Variants in WDR35 observed in about 807,000 individuals in gnomAD.
WDR35 encodes the protein WD repeat domain 35.
WDR35 carries 118 observed loss-of-function variants against 158.3 expected under a neutral mutation model. That is an observed-to-expected ratio of 0.75 (90% CI 0.64 to 0.87). The LOEUF is 0.87. Among genes scored for constraint, WDR35 ranks in the 40% least tolerant of loss-of-function variants. The pLI, the probability that WDR35 is intolerant of heterozygous loss-of-function variation, is 0.00. For synonymous variants in WDR35, 448 were observed against 476.1 expected (o/e 0.94, Z 0.77); for missense variants, 1,263 against 1,405.8 (o/e 0.90, Z 1.62).
chr2:19,952,890 G>A (rs1000922250), intron 12 of WDR35, among the ~76,000 whole-genome samples: 3 of 143,168 alleles, frequency 2.1e-5, no homozygotes, highest in Non-Finnish European at 4.5e-5. Context: ...CCGGGTTCAC[G>A]CCATTCTCCT....
At chr2:19,956,910 C>T (rs964347361) in intron 11 of WDR35, among the ~76,000 whole-genome samples, 7 of 152,282 alleles carry the variant, frequency 4.6e-5, no homozygotes, top group South Asian at 2.1e-4. Context: ...TGAGCCACCG[C>T]GCCCGGCCAA....
At chr2:19,914,968 G>A (rs1399975276) in intron 25 of WDR35, among the ~76,000 whole-genome samples, 3 of 152,074 alleles carry the variant, frequency 2.0e-5, no homozygotes, top group South Asian at 2.1e-4. Context: ...GATAGCATTA[G>A]GAGAAATACC....
chr2:19,918,584 C>T (rs1464848439), intron 25 of WDR35, among the ~76,000 whole-genome samples: 2 of 152,062 alleles, frequency 1.3e-5, no homozygotes, highest in Non-Finnish European at 2.9e-5. Context: ...GAAAAAAAAG[C>T]AGGGGTTGCA....
intron 3 of WDR35, 86 bp from the exon 4 acceptor site, chr2:19,980,869 A>T: frequency 8.4e-7 from 1 of 1,190,668 alleles, no homozygotes; most frequent in Non-Finnish European, 1.2e-6. Context: ...AGATCATGTT[A>T]AAATCAATAT....
rs1468639564 is a variant in WDR35, at chr2:19,973,633, G to A, written c.812C>T (p.Ala271Val). ...WNHMGSVLAVAGFQKAAMQDK... is the reference protein window; with the variant it reads ...WNHMGSVLAVVGFQKAAMQDK... Reference sequence around the variant, plus strand: ...CTGCATGGCTGCCTTCTGGAAGCCTGCCACAGCTAACACGCTGCCCATGTG... The same window carrying A: ...CTGCATGGCTGCCTTCTGGAAGCCTACCACAGCTAACACGCTGCCCATGTG... The change falls in exon 8 of 27, where the codon GCA becomes GTA. Residue 271 changes from alanine (A) to valine (V), a missense_variant. By Grantham distance (64) the Ala-to-Val change is moderately conservative (BLOSUM62 0). Coordinates refer to ENST00000281405, the MANE Select transcript of WDR35 (RefSeq NM_020779.4). 1 of 1,614,086 alleles carries A rather than the reference G, an allele frequency of 6.2e-7. No homozygotes were observed. Among genetic ancestry groups the A allele is most frequent in the African/African-American group, 1.3e-5 (1 of 74,942 alleles).
At position 19,931,297 on chromosome 2, in the gene WDR35, C is replaced by T. The variant is rs138076014; in HGVS notation, c.2936G>A (p.Arg979Gln). 7.2e-5 allele frequency: 116 copies of T among 1,612,500 alleles called. No individual in the cohort carries two copies. The African/African-American group carries it at 1.4e-3, about 19-fold the overall frequency. The change falls in exon 24 of 27, where the codon CGA becomes CAA. Residue 979 changes from arginine to glutamine, a missense_variant. Arg to Gln is a conservative substitution (Grantham distance 43). Coordinates refer to ENST00000281405, the MANE Select transcript of WDR35 (RefSeq NM_020779.4). ...QYHEQMKNAQ[R>Q]GKVKGKSSEA... ...TGAACTTTTTCCTTTAACTTTTCCT[C>T]GCTGGGCATTCTTCATCTGTTCATG...
intron 25 of WDR35, among the ~76,000 whole-genome samples, chr2:19,928,993 A>C (rs375462004): frequency 4.6e-5 from 7 of 151,906 alleles, no homozygotes; most frequent in Admixed American, 4.6e-4. Context: ...ATTTTTAGTA[A>C]AGACAGGGTT....
rs1351458404 is a variant in WDR35 at position 19,910,985 on chromosome 2, G to A, written c.*2573C>T. On this transcript the variant is annotated 3_prime_UTR_variant, in exon 27 of 27. Coordinates refer to ENST00000281405, the MANE Select transcript of WDR35 (RefSeq NM_020779.4). The stretch of plus-strand genomic sequence containing the variant: ...AAATTAGGTCCACAAGGTATGAGAG[G>A]TTGTTTTTAGAGATACTGGTTTCTG... 6.6e-6 allele frequency: 1 copy of A among 152,032 alleles called. No individual in the cohort carries two copies. The highest frequency in any genetic ancestry group is 1.5e-5 in the Non-Finnish European group (1 of 68,022). The allele number at this position is 152,032 out of a possible 1,614,324, so 9.4% of individuals were successfully genotyped here.
chr2:19,934,279 A>G lies in WDR35; in HGVS notation c.2548-768T>C, dbSNP rs184667313. On this transcript the variant is annotated intron_variant, in intron 21 of 26. Coordinates refer to ENST00000281405, the MANE Select transcript of WDR35 (RefSeq NM_020779.4). This position sits in a 1 kb window ranked among gnomAD's most constrained non-coding sequence, Gnocchi z 4.6. ...AGGGAATACATTCTATCTGTAAAAA[A>G]AATTACAAAACATGAAAAAGTGAAA... Among the ~76,000 whole-genome samples the G allele has an allele frequency of 2.0e-5, 3 of 152,320 alleles. No individual in the cohort carries two copies. Among genetic ancestry groups the G allele is most frequent in the Admixed American group, 2.0e-4 (3 of 15,294 alleles).
At chr2:19,927,680 A>G (rs562971940) in intron 25 of WDR35, among the ~76,000 whole-genome samples, 19 of 152,386 alleles carry the variant, frequency 1.2e-4, no homozygotes, top group Admixed American at 1.1e-3. Flanking sequence ...AAAAGCGTCT[A>G]GAAGGACACT....
chr2:19,988,125 G>T (rs115387787), intron 2 of WDR35, among the ~76,000 whole-genome samples: 1 of 152,014 alleles, frequency 6.6e-6, no homozygotes, highest in Non-Finnish European at 1.5e-5. Flanking sequence ...TCCTTGTTCC[G>T]CCACTTACTG....
At chr2:19,913,962 C>A (rs1191902761) in intron 26 of WDR35, 75 bp downstream of exon 26, 4 of 1,597,224 alleles carry the variant, frequency 2.5e-6, no homozygotes, top group Non-Finnish European at 8.5e-7. Flanking sequence ...TTAATTCCTA[C>A]ATTAAACATT....
chr2:19,977,588 C>T (rs999708573), intron 5 of WDR35, among the ~76,000 whole-genome samples: 4 of 152,308 alleles, frequency 2.6e-5, no homozygotes, highest in African/African-American at 9.6e-5. Context: ...CCTGATACAG[C>T]TGCCCATTAT....
intron 10 of WDR35, among the ~76,000 whole-genome samples, 160 bp from the exon 11 acceptor site, chr2:19,960,774 T>C (rs1671624636): frequency 6.6e-6 from 1 of 152,172 alleles, no homozygotes; most frequent in South Asian, 2.1e-4. Flanking sequence ...AAAAGAAAGA[T>C]GATTTACAGC....
In WDR35 at chr2:19,912,581, G is replaced by A. The variant is rs904226659; in HGVS notation, c.*977C>T. ...TCTCTATGTATTGCCTCTACTATAT[G>A]TAAGCCAAACCTCAATAAAATAATC... On this transcript the variant is annotated 3_prime_UTR_variant, in exon 27 of 27. Coordinates refer to ENST00000281405, the MANE Select transcript of WDR35 (RefSeq NM_020779.4). The A allele has an allele frequency of 1.3e-5, 2 of 152,166 alleles. No individual in the cohort carries two copies. Among genetic ancestry groups the A allele is most frequent in the African/African-American group, 4.8e-5 (2 of 41,430 alleles). 9.4% of individuals were successfully genotyped at this position (152,166 alleles called of 1,614,324 possible).
chr2:19,950,763 A>G (rs1671209415), intron 13 of WDR35, among the ~76,000 whole-genome samples: 1 of 152,212 alleles, frequency 6.6e-6, no homozygotes, highest in South Asian at 2.1e-4. Context: ...CTGTCAAAAA[A>G]TTAAGCTTGC....
intron 25 of WDR35, among the ~76,000 whole-genome samples, chr2:19,920,307 T>C (rs993110231): frequency 5.3e-5 from 8 of 152,226 alleles, no homozygotes; most frequent in African/African-American, 1.4e-4. Flanking sequence ...ATATCCCTGA[T>C]GAACATCTAT....
intron 4 of WDR35, among the ~76,000 whole-genome samples, chr2:19,979,084 A>G (rs932597442): frequency 3.9e-5 from 6 of 152,212 alleles, no homozygotes; most frequent in Admixed American, 3.9e-4. Flanking sequence ...AACTGCTTCA[A>G]AGATTATCAC....
At chr2:19,920,577 T>C (rs1670139239) in intron 25 of WDR35, among the ~76,000 whole-genome samples, 1 of 152,080 alleles carries the variant, frequency 6.6e-6, no homozygotes, top group African/African-American at 2.4e-5. Context: ...ATGGAACATA[T>C]CTCAAAATAA....
Sources: allele counts gnomAD v4.1 joint callset (sites outside exome capture counted in the v4.1 genomes callset), GRCh38; gene constraint gnomAD v4.1.1; non-coding constraint Gnocchi (gnomAD v3.1); transcripts MANE v1.5; gene names NCBI Gene and HGNC (gene_info 2026-07-23, HGNC 2026-07-21).